The following PPP2R5C variants were observed in gnomAD, a reference collection of about 807,000 sequenced individuals.
The protein encoded by PPP2R5C is serine/threonine-protein phosphatase 2A 56 kDa regulatory subunit gamma isoform.
PPP2R5C carries 7 observed loss-of-function variants against 68.9 expected under a neutral mutation model. The observed-to-expected ratio is 0.10, with a 90% CI of 0.06 to 0.19. The LOEUF (loss-of-function observed/expected upper bound fraction) is 0.19. Ranked by LOEUF, PPP2R5C falls within the 10% of genes least tolerant of loss-of-function variation. The probability of loss-of-function intolerance (pLI) is 1.00; values close to 1 mark genes in which losing one functional copy is unlikely to be tolerated. For missense variants in PPP2R5C, 348 were observed against 641.3 expected (o/e 0.54, Z 4.94); for synonymous variants, 210 against 222.2 (o/e 0.95, Z 0.49).
intron 2 of PPP2R5C, among the ~76,000 whole-genome samples, chr14:101,872,526 G>C (rs1445934905): frequency 6.6e-6 from 1 of 152,080 alleles, no homozygotes; most frequent in South Asian, 2.1e-4. Context: ...GGGTGAGCCT[G>C]GTCTTGCCTT....
At chr14:101,796,718 T>C (rs1360523281) in intron 3 of PPP2R5C, 2 of 179,978 alleles carry the variant, frequency 1.1e-5, no homozygotes, top group African/African-American at 4.8e-5. Flanking sequence ...CCATGGTCAG[T>C]CTCAGCTCTC....
chr14:101,857,236 T>C (rs1199572457), intron 2 of PPP2R5C, among the ~76,000 whole-genome samples: 1 of 152,248 alleles, frequency 6.6e-6, no homozygotes, highest in Non-Finnish European at 1.5e-5. Flanking sequence ...ACTAGTGCCT[T>C]TTTATAGTTC....
In PPP2R5C at chr14:101,925,133, A is replaced by G. The variant is rs1310857770; in HGVS notation, c.1444-8A>G. Reference sequence around the variant, plus strand: ...TTGTAGCCAACGCCATTGCATTTCTAATTCCAGGCACAGAAAGATCCGAAG... The same window carrying G: ...TTGTAGCCAACGCCATTGCATTTCTGATTCCAGGCACAGAAAGATCCGAAG... On this transcript the variant is annotated splice_region_variant and splice_polypyrimidine_tract_variant and intron_variant, in intron 13 of 13. Transcript: ENST00000334743. 1 of 1,613,778 alleles carries G rather than the reference A, an allele frequency of 6.2e-7. No homozygotes were observed. The highest frequency in any genetic ancestry group is 1.1e-5 in the South Asian group (1 of 91,064).
chr14:101,764,627 A>G (rs910297329), intron 2 of PPP2R5C, among the ~76,000 whole-genome samples: 2 of 152,160 alleles, frequency 1.3e-5, no homozygotes, highest in Non-Finnish European at 2.9e-5. Flanking sequence ...TTAAATGTCA[A>G]TAGTTAGGAT....
intron 2 of PPP2R5C, among the ~76,000 whole-genome samples, chr14:101,769,924 A>C (rs1325187941): frequency 6.6e-6 from 1 of 152,244 alleles, no homozygotes; most frequent in Non-Finnish European, 1.5e-5. Flanking sequence ...TGCTTAACAC[A>C]AACCTAGGTG....
chr14:101,871,013 C>T (rs558981519), intron 2 of PPP2R5C, among the ~76,000 whole-genome samples: 1 of 152,214 alleles, frequency 6.6e-6, no homozygotes, highest in East Asian at 1.9e-4. Flanking sequence ...AACTCTTTTA[C>T]CATGATAGAT....
chr14:101,809,005 G>A (rs994396478), upstream of PPP2R5C, among the ~76,000 whole-genome samples: 5 of 152,078 alleles, frequency 3.3e-5, no homozygotes, highest in African/African-American at 9.7e-5. Flanking sequence ...GATCTGAATA[G>A]CAGCTTTTAA....
At position 101,796,915 on chromosome 14, in the gene PPP2R5C, A is replaced by T. The variant is rs181835637; in HGVS notation, c.259+10732A>T. On this transcript the variant is annotated intron_variant, in intron 3 of 14. Coordinates refer to the PPP2R5C transcript ENST00000328724. ...GTCCTTATCTAAAAAAAAAAAATTT[A>T]AAAACTGAGGTGAAATACACATGTT... 503 of 301,862 alleles carry T rather than the reference A, an allele frequency of 1.7e-3. 5 individuals are homozygous for T. Among genetic ancestry groups the T allele is most frequent in the Middle Eastern group, 0.014 (11 of 814 alleles). 18.7% of individuals were successfully genotyped at this position (301,862 alleles called of 1,614,324 possible). A position where few individuals can be genotyped will look rare whatever the true frequency, so the allele number is the denominator to read the frequency against.
At chr14:101,786,218 G>C in intron 3 of PPP2R5C, 35 bp downstream of exon 3, 1 of 1,482,422 alleles carries the variant, frequency 6.7e-7, no homozygotes, top group Non-Finnish European at 9.0e-7. Context: ...GTTAAATTGT[G>C]GCTGTTGGAG....
At chr14:101,894,368 C>A in intron 7 of PPP2R5C, 139 bp from the exon 10 acceptor site, 1 of 630,590 alleles carries the variant, frequency 1.6e-6, no homozygotes, top group Non-Finnish European at 2.8e-6. Context: ...AATGTTAATG[C>A]CCGTTAATCA....
At chr14:101,787,594 T>C (rs80353061) in intron 3 of PPP2R5C, among the ~76,000 whole-genome samples, 42,156 of 151,562 alleles carry the variant, frequency 0.28, 6,351 homozygotes, top group African/African-American at 0.39. Context: ...AAACCCCGTC[T>C]CTACTAAAAA....
chr14:101,909,918 CA>C (rs2046292443), intron 11 of PPP2R5C, among the ~76,000 whole-genome samples: 1 of 152,096 alleles, frequency 6.6e-6, no homozygotes, highest in Non-Finnish European at 1.5e-5. Context: ...ATCATCTTTG[CA>C]AAAAGTGCTT....
chr14:101,780,653 T>C (rs1007648422), intron 2 of PPP2R5C, among the ~76,000 whole-genome samples: 8 of 152,140 alleles, frequency 5.3e-5, no homozygotes, highest in East Asian at 1.9e-4. Flanking sequence ...CTCTCTCTCT[T>C]GTATTTTCCT....
At chr14:101,886,599 G>C (rs2044535769) in intron 5 of PPP2R5C, among the ~76,000 whole-genome samples, 1 of 152,092 alleles carries the variant, frequency 6.6e-6, no homozygotes, top group Admixed American at 6.5e-5. Context: ...ATGCTATCTA[G>C]ATTCCGTGAT....
chr14:101,776,662 T>C (rs1298510563), intron 2 of PPP2R5C, among the ~76,000 whole-genome samples: 2 of 152,018 alleles, frequency 1.3e-5, no homozygotes, highest in African/African-American at 4.8e-5. Context: ...AAAGTCCTCC[T>C]CACCCTAAAA....
intron 1 of PPP2R5C, among the ~76,000 whole-genome samples, chr14:101,833,970 G>A (rs113049307): frequency 0.018 from 2,687 of 152,084 alleles, 81 homozygotes; most frequent in African/African-American, 0.058. Flanking sequence ...CACCACGCTC[G>A]GCTAATTTTT....
chr14:101,810,160 C>A, intron 1 of PPP2R5C: 1 of 894,116 alleles, frequency 1.1e-6, no homozygotes, highest in Non-Finnish European at 1.7e-6. Flanking sequence ...TCGCTGCAGA[C>A]TTAACCAGAG....
chr14:101,864,881 G>T (rs1360237605), intron 2 of PPP2R5C, among the ~76,000 whole-genome samples: 1 of 152,188 alleles, frequency 6.6e-6, no homozygotes, highest in African/African-American at 2.4e-5. Context: ...TGAAGAATAG[G>T]TGGGAATGGG....
intron 1 of PPP2R5C, chr14:101,818,769 C>CTA (rs2140250568): frequency 2.4e-6 from 1 of 417,904 alleles, no homozygotes; most frequent in Non-Finnish European, 4.3e-6. Flanking sequence ...GGGGTCCCAA[C>CTA]TATAACCTTA....
Sources: allele counts gnomAD v4.1 joint callset (sites outside exome capture counted in the v4.1 genomes callset), GRCh38; gene constraint gnomAD v4.1.1; transcripts MANE v1.5; gene names NCBI Gene and HGNC (gene_info 2026-07-23, HGNC 2026-07-21).